The following DLGAP1 variants were observed in gnomAD, a reference collection of about 807,000 sequenced individuals.
DLGAP1 encodes DLG associated protein 1.
In DLGAP1, 11 loss-of-function variants were observed where a neutral mutation model predicts 90.8. The ratio of observed to expected loss-of-function variants is 0.12; its 90% CI spans 0.08 to 0.20. The LOEUF (loss-of-function observed/expected upper bound fraction) is 0.20, where lower values mean the gene tolerates loss of function less well. Ranked by LOEUF, DLGAP1 falls within the 10% of genes least tolerant of loss-of-function variation. The pLI, the probability that DLGAP1 is intolerant of heterozygous loss-of-function variation, is 1.00. For synonymous variants in DLGAP1, 558 were observed against 540.7 expected (o/e 1.03, Z -0.44); for missense variants, 1,050 against 1,333.8 (o/e 0.79, Z 3.31).
At chr18:4,266,156 A>T (rs2079127665) in intron 1 of DLGAP1, among the ~76,000 whole-genome samples, 1 of 152,210 alleles carries the variant, frequency 6.6e-6, no homozygotes. Flanking sequence ...ATTTTTCAAA[A>T]TAAATTATAT....
rs1344171172 is a variant in DLGAP1, at chr18:3,559,620, T to A, written c.2057+7870A>T. ...CATTATGCATTTACCACGAATCCAA[T>A]CCACTTTTTTTTTTTTTTTTTTTGC... is the stretch of plus-strand genomic sequence containing the variant. On this transcript the variant is annotated intron_variant, in intron 9 of 12. Coordinates refer to ENST00000315677, the MANE Select transcript of DLGAP1 (RefSeq NM_004746.4). Among the ~76,000 whole-genome samples, 3 of 149,242 alleles carry A rather than the reference T, an allele frequency of 2.0e-5. No individual in the cohort carries two copies. In the East Asian group the frequency reaches 5.9e-4, roughly 29 times the overall value.
chr18:4,099,947 G>C (rs1042104553), intron 2 of DLGAP1, among the ~76,000 whole-genome samples: 5 of 152,010 alleles, frequency 3.3e-5, no homozygotes, highest in African/African-American at 1.2e-4. Flanking sequence ...TAAACTCCTG[G>C]CCTCAAGTGA....
intron 7 of DLGAP1, among the ~76,000 whole-genome samples, chr18:3,600,676 ATATCTATAGAGATC>A (rs2056842953): frequency 7.2e-6 from 1 of 139,746 alleles, no homozygotes; most frequent in Non-Finnish European, 1.5e-5. Flanking sequence ...AGATCTATAG[ATATCTATAGAGATC>A]TATATAGATA....
In DLGAP1 at chr18:4,454,014, C is replaced by A. The variant is rs369773808; in HGVS notation, c.-267+992G>T. ...TGGAGGCAAGCCCTGCAGCCGGGGG[C>A]GAGCGCGGCACTCGGACACAGGCAC... On this transcript the variant is annotated intron_variant, in intron 1 of 12. Coordinates refer to ENST00000315677, the MANE Select transcript of DLGAP1 (RefSeq NM_004746.4). This position sits in a 1 kb window ranked among gnomAD's most constrained non-coding sequence, Gnocchi z 4.7. Among the ~76,000 whole-genome samples the A allele has an allele frequency of 6.6e-6, 1 of 152,172 alleles. No individual in the cohort carries two copies. The highest frequency in any genetic ancestry group is 1.5e-5 in the Non-Finnish European group (1 of 68,038).
At chr18:3,931,487 G>A (rs953964848) in intron 3 of DLGAP1, among the ~76,000 whole-genome samples, 1 of 152,194 alleles carries the variant, frequency 6.6e-6, no homozygotes, top group Non-Finnish European at 1.5e-5. Flanking sequence ...TAGGGCATTT[G>A]TTAAATCTAG....
At position 3,591,675 on chromosome 18, in the gene DLGAP1, C is replaced by T. The variant is rs185673060; in HGVS notation, c.1592-9427G>A. On this transcript the variant is annotated intron_variant, in intron 7 of 12. Coordinates refer to ENST00000315677, the MANE Select transcript of DLGAP1 (RefSeq NM_004746.4). ...CCAAGATCACACCACTCCAGCCTGG[C>T]GACAGAGCAAGACTACGTCAAAAAT... is the stretch of plus-strand genomic sequence containing the variant. 4.0e-4 allele frequency among the ~76,000 whole-genome samples: 60 copies of T among 151,438 alleles called. No individual in the cohort carries two copies. The East Asian group carries it at 0.011, about 28-fold the overall frequency.
intron 1 of DLGAP1, among the ~76,000 whole-genome samples, chr18:4,418,359 G>A (rs554682330): frequency 6.6e-6 from 1 of 152,230 alleles, no homozygotes; most frequent in South Asian, 2.1e-4. Flanking sequence ...AACAGACAAA[G>A]TAAGCAGCAA....
chr18:4,037,892 G>A (rs1975437), intron 2 of DLGAP1, among the ~76,000 whole-genome samples: 8 of 152,164 alleles, frequency 5.3e-5, no homozygotes, highest in Admixed American at 3.9e-4. Flanking sequence ...CCCAGGAAGC[G>A]GAAGTTGCAG....
intron 1 of DLGAP1, among the ~76,000 whole-genome samples, chr18:4,436,507 C>A (rs530754078): frequency 1.3e-5 from 2 of 152,188 alleles, no homozygotes; most frequent in Admixed American, 1.3e-4. Context: ...CCACATTAGT[C>A]ATCGGTTCTT....
chr18:3,898,022 C>A (rs373027480), intron 3 of DLGAP1, among the ~76,000 whole-genome samples: 23 of 152,054 alleles, frequency 1.5e-4, no homozygotes, highest in Admixed American at 6.5e-4. Flanking sequence ...TCTCGATCTC[C>A]TGACCTCGTG....
intron 2 of DLGAP1, among the ~76,000 whole-genome samples, chr18:4,112,061 C>G (rs1287523206): frequency 6.6e-6 from 1 of 151,730 alleles, no homozygotes; most frequent in Non-Finnish European, 1.5e-5. Flanking sequence ...TTAATGTAGG[C>G]ACTTACAGCT....
At chr18:3,888,179 T>C (rs937714696) in intron 3 of DLGAP1, among the ~76,000 whole-genome samples, 12 of 150,998 alleles carry the variant, frequency 7.9e-5, no homozygotes, top group African/African-American at 2.9e-4. Context: ...TGAGTTAACA[T>C]TGTCCAAATG....
intron 2 of DLGAP1, among the ~76,000 whole-genome samples, chr18:4,029,917 C>G (rs970200768): frequency 2.0e-5 from 3 of 152,162 alleles, no homozygotes; most frequent in Admixed American, 1.3e-4. Context: ...TTGTTCTTTT[C>G]TCTACAGCAT....
intron 2 of DLGAP1, among the ~76,000 whole-genome samples, chr18:4,104,351 C>A (rs1345230353): frequency 6.6e-6 from 1 of 152,006 alleles, no homozygotes; most frequent in African/African-American, 2.4e-5. Context: ...ACAAAATATT[C>A]TCATGCTTTC....
At chr18:4,338,006 G>A (rs2081110767) in intron 1 of DLGAP1, among the ~76,000 whole-genome samples, 1 of 152,124 alleles carries the variant, frequency 6.6e-6, no homozygotes, top group Non-Finnish European at 1.5e-5. Flanking sequence ...AAAACAGAGT[G>A]AATCATAGTT....
chr18:4,312,403 A>T (rs2080422667), intron 1 of DLGAP1, among the ~76,000 whole-genome samples: 1 of 152,204 alleles, frequency 6.6e-6, no homozygotes, highest in South Asian at 2.1e-4. Context: ...CCAATTTATG[A>T]TGGTTCCACT....
intron 1 of DLGAP1, among the ~76,000 whole-genome samples, chr18:4,318,311 T>G (rs986515801): frequency 6.6e-6 from 1 of 152,246 alleles, no homozygotes; most frequent in African/African-American, 2.4e-5. Context: ...GCATTTCTAT[T>G]GCTTGACACG....
chr18:4,089,994 A>G lies in DLGAP1; in HGVS notation c.-159+61186T>C, dbSNP rs528760841. 5.9e-4 allele frequency among the ~76,000 whole-genome samples: 90 copies of G among 152,224 alleles called. 1 individual carries two copies. Among genetic ancestry groups the G allele is most frequent in the Middle Eastern group, 3.4e-3 (1 of 294 alleles). On this transcript the variant is annotated intron_variant, in intron 2 of 12. Coordinates refer to ENST00000315677, the MANE Select transcript of DLGAP1 (RefSeq NM_004746.4). The stretch of plus-strand genomic sequence containing the variant: ...CGGGAGGCGGAGTTTGCAGTGAGCC[A>G]AGATCGCGCCGCTGCACTCCAGCCT...
chr18:3,871,692 C>T (rs766907442), intron 4 of DLGAP1, among the ~76,000 whole-genome samples: 7 of 152,164 alleles, frequency 4.6e-5, no homozygotes, highest in Non-Finnish European at 1.0e-4. Context: ...AATTTTCCAA[C>T]GTCTATGAAA....
Sources: allele counts gnomAD v4.1 joint callset (sites outside exome capture counted in the v4.1 genomes callset), GRCh38; gene constraint gnomAD v4.1.1; non-coding constraint Gnocchi (gnomAD v3.1); transcripts MANE v1.5; gene names NCBI Gene and HGNC (gene_info 2026-07-23, HGNC 2026-07-21).